PRKN: variants seen among roughly 807,000 people sequenced by gnomAD.
PRKN encodes the protein parkin RBR E3 ubiquitin protein ligase.
PRKN carries 56 observed loss-of-function variants against 59.5 expected under a neutral mutation model. The observed-to-expected ratio is 0.94, with a 90% CI of 0.76 to 1.18. The LOEUF (loss-of-function observed/expected upper bound fraction) is 1.18, where lower values mean the gene tolerates loss of function less well. Among genes scored for constraint, PRKN ranks in the 50% most tolerant of loss-of-function variants. The pLI, the probability that PRKN is intolerant of heterozygous loss-of-function variation, is 0.00. For synonymous variants in PRKN, 250 were observed against 222.1 expected (o/e 1.13, Z -1.12); for missense variants, 657 against 596.4 (o/e 1.10, Z -1.06).
chr6:162,384,787 G>A (rs1043572496), intron 2 of PRKN, among the ~76,000 whole-genome samples: 21 of 152,172 alleles, frequency 1.4e-4, no homozygotes, highest in African/African-American at 3.9e-4. Context: ...CTTATATGGC[G>A]GGTATTACTT....
At chr6:161,758,391 A>G (rs1488203089) in intron 7 of PRKN, among the ~76,000 whole-genome samples, 1 of 152,210 alleles carries the variant, frequency 6.6e-6, no homozygotes, top group Middle Eastern at 3.2e-3. Flanking sequence ...ACAATTCAGC[A>G]GTAGAAAGGA....
At chr6:162,451,658 T>C (rs191559149) in intron 1 of PRKN, among the ~76,000 whole-genome samples, 1 of 152,226 alleles carries the variant, frequency 6.6e-6, no homozygotes, top group Non-Finnish European at 1.5e-5. Flanking sequence ...TAAATAAATT[T>C]AATACCCAAA....
chr6:162,230,438 G>A (rs1778373617), intron 3 of PRKN, among the ~76,000 whole-genome samples: 1 of 152,188 alleles, frequency 6.6e-6, no homozygotes, highest in Non-Finnish European at 1.5e-5. Flanking sequence ...AAGTCTGGGA[G>A]GATCCAGGGG....
intron 4 of PRKN, among the ~76,000 whole-genome samples, chr6:162,062,805 A>G (rs1460521428): frequency 6.6e-6 from 1 of 152,196 alleles, no homozygotes; most frequent in Non-Finnish European, 1.5e-5. Flanking sequence ...GTTCTTTATC[A>G]TGACTGTGCT....
chr6:161,874,681 T>C (rs1190729684), intron 6 of PRKN, among the ~76,000 whole-genome samples: 1 of 121,810 alleles, frequency 8.2e-6, no homozygotes, highest in African/African-American at 3.3e-5. Flanking sequence ...ATATATAAAA[T>C]GTACAATATA....
chr6:162,003,971 CT>C (rs1414992588), intron 5 of PRKN, among the ~76,000 whole-genome samples: 1 of 152,172 alleles, frequency 6.6e-6, no homozygotes. Context: ...ACTGCAGCAA[CT>C]TGTTTCTAGG....
intron 1 of PRKN, among the ~76,000 whole-genome samples, chr6:162,698,065 T>C (rs559973488): frequency 8.5e-5 from 13 of 152,308 alleles, no homozygotes; most frequent in African/African-American, 2.6e-4. Flanking sequence ...CTCCTACATA[T>C]GTTAACTAAA....
chr6:161,880,401 A>G (rs973249307), intron 6 of PRKN, among the ~76,000 whole-genome samples: 1 of 152,188 alleles, frequency 6.6e-6, no homozygotes, highest in Non-Finnish European at 1.5e-5. Flanking sequence ...ATATGATCAT[A>G]TTTATCTTCA....
At chr6:162,655,791 A>G (rs1778620951) in intron 1 of PRKN, among the ~76,000 whole-genome samples, 1 of 152,208 alleles carries the variant, frequency 6.6e-6, no homozygotes, top group Non-Finnish European at 1.5e-5. Context: ...CCATCTATTT[A>G]CATAAAATAT....
intron 4 of PRKN, among the ~76,000 whole-genome samples, chr6:162,069,667 T>C (rs1202735679): frequency 2.6e-5 from 4 of 152,174 alleles, no homozygotes; most frequent in South Asian, 4.1e-4. Flanking sequence ...CAGAAAGAAA[T>C]AGAAGTTTAC....
chr6:162,320,494 A>T (rs2128121525), intron 2 of PRKN, among the ~76,000 whole-genome samples: 1 of 151,474 alleles, frequency 6.6e-6, no homozygotes, highest in East Asian at 1.9e-4. Flanking sequence ...AAATAGGTAA[A>T]TGAAAACATG....
chr6:162,722,400 G>A (rs1778970389), intron 1 of PRKN, among the ~76,000 whole-genome samples: 1 of 152,160 alleles, frequency 6.6e-6, no homozygotes, highest in African/African-American at 2.4e-5. Flanking sequence ...AAGCCAGGGA[G>A]GTGAGCTGCA....
At chr6:161,772,029 T>G (rs1323867625) in intron 7 of PRKN, among the ~76,000 whole-genome samples, 4 of 151,886 alleles carry the variant, frequency 2.6e-5, no homozygotes. Flanking sequence ...TGTGTGTGTA[T>G]GTGTGTGTGT....
chr6:161,732,180 G>A (rs1045040363), intron 7 of PRKN, among the ~76,000 whole-genome samples: 1 of 151,576 alleles, frequency 6.6e-6, no homozygotes, highest in Non-Finnish European at 1.5e-5. Flanking sequence ...TCCGCCTCCT[G>A]GGTTCAAGCG....
At chr6:161,889,283 C>G (rs1049804456) in intron 6 of PRKN, among the ~76,000 whole-genome samples, 1 of 152,022 alleles carries the variant, frequency 6.6e-6, no homozygotes, top group Admixed American at 6.6e-5. Context: ...AAATGGAGAC[C>G]GATGATCACA....
At chr6:161,750,433 GT>G (rs1398292415) in intron 7 of PRKN, among the ~76,000 whole-genome samples, 1 of 151,786 alleles carries the variant, frequency 6.6e-6, no homozygotes, top group Admixed American at 6.6e-5. Flanking sequence ...ATCATGGCAT[GT>G]TTTTTTCTTC....
At chr6:161,615,058 G>T (rs1460206445) in intron 7 of PRKN, among the ~76,000 whole-genome samples, 1 of 152,082 alleles carries the variant, frequency 6.6e-6, no homozygotes, top group Non-Finnish European at 1.5e-5. Context: ...TTTGAAGAAT[G>T]AAGATGCAAA....
intron 4 of PRKN, among the ~76,000 whole-genome samples, chr6:162,109,121 C>T (rs1175706882): frequency 6.6e-6 from 1 of 152,162 alleles, no homozygotes; most frequent in East Asian, 1.9e-4. Flanking sequence ...GGGGCAGTAA[C>T]TCCCAAGTGT....
chr6:162,564,965 A>G (rs553023954), intron 1 of PRKN, among the ~76,000 whole-genome samples: 4 of 152,310 alleles, frequency 2.6e-5, no homozygotes, highest in East Asian at 1.9e-4. Context: ...CTAGAATATT[A>G]TAACAGTGTA....
Sources: gnomAD v4.1 joint callset for allele counts (sites outside exome capture counted in the v4.1 genomes callset) on GRCh38, gnomAD v4.1.1 for gene constraint, MANE v1.5 for transcripts, NCBI Gene and HGNC (gene_info 2026-07-23, HGNC 2026-07-21) for gene names.